The following GTF2A2 variants were observed in gnomAD, a reference collection of about 807,000 sequenced individuals.
The protein encoded by GTF2A2 is general transcription factor IIA subunit 2.
A neutral mutation model predicts 14.3 loss-of-function variants in GTF2A2; 9 were observed. The ratio of observed to expected loss-of-function variants is 0.63; its 90% confidence interval spans 0.38 to 1.10. The LOEUF (loss-of-function observed/expected upper bound fraction) is 1.10, where lower values mean the gene tolerates loss of function less well. GTF2A2 is among the 50% of genes least tolerant of loss of function. GTF2A2 has a pLI of 0.01. For synonymous variants in GTF2A2, 56 were observed against 46.0 expected, an observed-to-expected ratio of 1.22 and a Z score of -0.88; for missense variants, 90 against 124.6, an observed-to-expected ratio of 0.72 and a Z score of 1.32.
chr15:59,655,131 T>C (rs1232344203), intron 1 of GTF2A2, among the ~76,000 whole-genome samples: 2 of 152,310 alleles, frequency 1.3e-5, no homozygotes, highest in Non-Finnish European at 2.9e-5. Flanking sequence ...TTGTTACTTC[T>C]CTCCCTCACC....
intron 3 of GTF2A2, among the ~76,000 whole-genome samples, 183 bp from the exon 4 acceptor site, chr15:59,642,445 AT>A (rs1199770178): frequency 6.6e-6 from 1 of 152,220 alleles, no homozygotes; most frequent in Non-Finnish European, 1.5e-5. Flanking sequence ...CTAAGGGAAG[AT>A]TTCAAAAATA....
rs1891263866 is a variant in GTF2A2 at position 59,638,590 on chromosome 15, C to G, written c.*542G>C. 6.6e-6 allele frequency: 1 copy of G among 152,110 alleles called. No homozygotes were observed. The highest frequency in any genetic ancestry group is 2.1e-4 in the South Asian group (1 of 4,824). The allele number at this position is 152,110 out of a possible 1,614,324, so 9.4% of individuals were successfully genotyped here. ...TTGGTTTTGTTTTTGCTATGATTGTCTAACTTTTCCTAATCAAGTTGTACT... is the reference window on the plus strand; with the variant it reads ...TTGGTTTTGTTTTTGCTATGATTGTGTAACTTTTCCTAATCAAGTTGTACT... On this transcript the variant is annotated 3_prime_UTR_variant, in exon 5 of 5. Transcript: ENST00000396060.
chr15:59,654,451 T>C (rs1172899474), intron 1 of GTF2A2, among the ~76,000 whole-genome samples: 2 of 152,208 alleles, frequency 1.3e-5, no homozygotes, highest in Non-Finnish European at 2.9e-5. Flanking sequence ...CCTTCTATAA[T>C]CAACCTATAA....
intron 3 of GTF2A2, among the ~76,000 whole-genome samples, chr15:59,643,170 C>T (rs1182620025): frequency 6.7e-6 from 1 of 150,010 alleles, no homozygotes; most frequent in Non-Finnish European, 1.5e-5. Context: ...ACCTCCGCCA[C>T]CCAAGTTCAA....
chr15:59,651,977 T>C (rs1891807001), intron 2 of GTF2A2: 2 of 410,694 alleles, frequency 4.9e-6, no homozygotes, highest in Non-Finnish European at 8.7e-6. Context: ...AAACACTGCA[T>C]GTACCCAGAT....
At chr15:59,656,476 T>C (rs565899866) in intron 1 of GTF2A2, among the ~76,000 whole-genome samples, 1 of 152,236 alleles carries the variant, frequency 6.6e-6, no homozygotes, top group African/African-American at 2.4e-5. Context: ...TTATATATTT[T>C]ATTTTCTGCA....
At position 59,639,700 on chromosome 15, in the gene GTF2A2, T is replaced by C. The variant is rs530121265; in HGVS notation, c.305-543A>G. 3.3e-5 allele frequency among the ~76,000 whole-genome samples: 5 copies of C among 152,126 alleles called. No homozygotes were observed. The South Asian group carries it at 1.0e-3, about 32-fold the overall frequency. On this transcript the variant is annotated intron_variant, in intron 4 of 4. Transcript: ENST00000396060. ...GTCTCGATCTCCTGACCTCGTGATC[T>C]GCCCGCCTCGGCATCCCAAAGTGCT...
intron 1 of GTF2A2, among the ~76,000 whole-genome samples, chr15:59,655,515 G>A (rs1323160999): frequency 1.3e-5 from 2 of 152,114 alleles, no homozygotes; most frequent in Non-Finnish European, 2.9e-5. Flanking sequence ...TGCCCTTTTC[G>A]GATTGTCCTA....
intron 3 of GTF2A2, among the ~76,000 whole-genome samples, chr15:59,644,602 G>C (rs1473945533): frequency 6.6e-6 from 1 of 152,212 alleles, no homozygotes; most frequent in Admixed American, 6.5e-5. Flanking sequence ...TGCTATGAAA[G>C]AGTAAGTTAC....
chr15:59,639,645 A>G (rs1395480783), intron 4 of GTF2A2, among the ~76,000 whole-genome samples: 1 of 149,198 alleles, frequency 6.7e-6, no homozygotes, highest in East Asian at 2.1e-4. Flanking sequence ...TGTACTTTAG[A>G]GACGGGGTTT....
At chr15:59,646,425 C>A (rs1439756062) in intron 3 of GTF2A2, among the ~76,000 whole-genome samples, 1 of 152,152 alleles carries the variant, frequency 6.6e-6, no homozygotes, top group African/African-American at 2.4e-5. Context: ...CCCAAAGTTC[C>A]CAAAGTCATA....
intron 1 of GTF2A2, among the ~76,000 whole-genome samples, chr15:59,654,928 GTGTCA>G (rs1302209293): frequency 4.6e-5 from 7 of 152,160 alleles, no homozygotes; most frequent in Non-Finnish European, 1.0e-4. Context: ...TTTCCTTTCA[GTGTCA>G]TGTTGGTGCT....
chr15:59,655,483 C>T (rs1405964286), intron 1 of GTF2A2, among the ~76,000 whole-genome samples: 1 of 152,222 alleles, frequency 6.6e-6, no homozygotes, highest in Non-Finnish European at 1.5e-5. Flanking sequence ...CGTACAGGAT[C>T]TTACCTTGGC....
chr15:59,640,673 T>G (rs1387624901), intron 4 of GTF2A2, among the ~76,000 whole-genome samples: 1 of 152,162 alleles, frequency 6.6e-6, no homozygotes, highest in Non-Finnish European at 1.5e-5. Context: ...TTGATAGAGA[T>G]CTAGGTATTA....
chr15:59,649,964 TAATAC>T (rs1158026868), intron 3 of GTF2A2, among the ~76,000 whole-genome samples: 2 of 152,224 alleles, frequency 1.3e-5, no homozygotes, highest in Non-Finnish European at 2.9e-5. Context: ...TTATGCCTTA[TAATAC>T]AATATAAACA....
chr15:59,638,293 CTT>C lies in GTF2A2; in HGVS notation c.*837_*838del, dbSNP rs1891248000. The C allele has an allele frequency of 6.6e-6, 1 of 152,102 alleles. No individual in the cohort carries two copies. Among genetic ancestry groups the C allele is most frequent in the African/African-American group, 2.4e-5 (1 of 41,410 alleles). The allele number at this position is 152,102 out of a possible 1,614,324, so 9.4% of individuals were successfully genotyped here. A position where few individuals can be genotyped will look rare whatever the true frequency, so the allele number is the denominator to read the frequency against. Reference sequence around the variant, plus strand: ...GGAGCATCGAGGTAACAGCAAAAATCTTTTACTCCAATTGGGTCAATCCAGTT... The same window carrying C: ...GGAGCATCGAGGTAACAGCAAAAATCTTACTCCAATTGGGTCAATCCAGTT... On this transcript the variant is annotated 3_prime_UTR_variant, in exon 5 of 5. Coordinates refer to ENST00000396060, the MANE Select transcript of GTF2A2 (RefSeq NM_004492.3).
chr15:59,641,908 C>CA (rs1267827689), intron 4 of GTF2A2, among the ~76,000 whole-genome samples: 9 of 152,148 alleles, frequency 5.9e-5, no homozygotes, highest in African/African-American at 1.7e-4. Flanking sequence ...TTATTTTACC[C>CA]ACACAAATCC....
At chr15:59,639,197 G>A in intron 4 of GTF2A2, 40 bp from the exon 5 acceptor site, 1 of 1,221,370 alleles carries the variant, frequency 8.2e-7, no homozygotes, top group Non-Finnish European at 1.2e-6. Flanking sequence ...GTAAATTCAA[G>A]GAGCAATTTA....
chr15:59,644,691 TTTAAG>T (rs1891545004), intron 3 of GTF2A2, among the ~76,000 whole-genome samples: 1 of 152,062 alleles, frequency 6.6e-6, no homozygotes, highest in South Asian at 2.1e-4. Context: ...AAAAGTGAAG[TTTAAG>T]TTGAGTCCTA....
Sources: allele counts gnomAD v4.1 joint callset (sites outside exome capture counted in the v4.1 genomes callset), GRCh38; gene constraint gnomAD v4.1.1; transcripts MANE v1.5; gene names NCBI Gene and HGNC (gene_info 2026-07-23, HGNC 2026-07-21).